Variants in IPPK observed in about 807,000 individuals in gnomAD.
The protein encoded by IPPK is IPK1 homolog.
IPPK carries 22 observed loss-of-function variants against 64.6 expected under a neutral mutation model. The observed-to-expected ratio is 0.34, with a 90% CI of 0.24 to 0.49. IPPK has a LOEUF of 0.49. Ranked by LOEUF, IPPK falls within the 20% of genes least tolerant of loss-of-function variation. The pLI is 0.99. For synonymous variants in IPPK, 262 were observed against 247.2 expected (o/e 1.06, Z -0.56); for missense variants, 532 against 630.7 (o/e 0.84, Z 1.68).
At chr9:92,655,445 C>A (rs1435878456) in intron 3 of IPPK, among the ~76,000 whole-genome samples, 1 of 152,076 alleles carries the variant, frequency 6.6e-6, no homozygotes, top group Non-Finnish European at 1.5e-5. Context: ...GTGGGTTGAG[C>A]CCTGTTTGCT....
At chr9:92,633,257 C>T (rs905866154) in intron 11 of IPPK, among the ~76,000 whole-genome samples, 3 of 152,000 alleles carry the variant, frequency 2.0e-5, no homozygotes, top group African/African-American at 7.3e-5. Context: ...ATAATCCACC[C>T]GCCTCAGCCT....
intron 11 of IPPK, among the ~76,000 whole-genome samples, chr9:92,624,508 G>T (rs1851700184): frequency 6.6e-6 from 1 of 151,830 alleles, no homozygotes; most frequent in Non-Finnish European, 1.5e-5. Context: ...ACATGCCTGT[G>T]CTTCCCAGCT....
In IPPK at chr9:92,648,297, G is replaced by A. The variant is rs115668299; in HGVS notation, c.415-149C>T. 1,756 of 640,544 alleles carry A rather than the reference G, an allele frequency of 2.7e-3. 14 individuals carry two copies. Among genetic ancestry groups the A allele is most frequent in the African/African-American group, 0.023 (1,253 of 54,982 alleles). 39.7% of individuals were successfully genotyped at this position (640,544 alleles called of 1,614,324 possible). A position where few individuals can be genotyped will look rare whatever the true frequency, so the allele number is the denominator to read the frequency against. ...GCTGTTTTCATTTGCACCTCCCAGCGGGAACAACACTTCCTGCATCAGATC... is the reference window on the plus strand; with the variant it reads ...GCTGTTTTCATTTGCACCTCCCAGCAGGAACAACACTTCCTGCATCAGATC... On this transcript the variant is annotated intron_variant, in intron 5 of 12. Transcript: ENST00000287996.
At chr9:92,669,300 T>C (rs1333545926) in intron 1 of IPPK, among the ~76,000 whole-genome samples, 1 of 152,228 alleles carries the variant, frequency 6.6e-6, no homozygotes, top group Non-Finnish European at 1.5e-5. Flanking sequence ...GAGATCTTAC[T>C]GCAGTTTCTA....
chr9:92,658,781 A>T, intron 1 of IPPK, 100 bp from the exon 2 acceptor site: 2 of 1,074,434 alleles, frequency 1.9e-6, no homozygotes, highest in Non-Finnish European at 2.8e-6. Flanking sequence ...CAAAGTCCAC[A>T]GTGAAGCTCC....
At chr9:92,664,473 C>T (rs1266019260) in intron 1 of IPPK, among the ~76,000 whole-genome samples, 1 of 152,208 alleles carries the variant, frequency 6.6e-6, no homozygotes, top group African/African-American at 2.4e-5. Context: ...GCCTCGGCAA[C>T]TCCGTCCTGA....
chr9:92,660,588 G>A (rs1439955750), intron 1 of IPPK, among the ~76,000 whole-genome samples: 6 of 152,192 alleles, frequency 3.9e-5, no homozygotes, highest in African/African-American at 1.4e-4. Context: ...CAAGACACAT[G>A]AGCTTTCTCT....
In IPPK at chr9:92,642,773, C is replaced by T; in HGVS notation, c.542G>A (p.Cys181Tyr). The T allele has an allele frequency of 6.2e-7, 1 of 1,614,056 alleles. No individual in the cohort carries two copies. The highest frequency in any genetic ancestry group is 8.5e-7 in the Non-Finnish European group (1 of 1,179,918). The change falls in exon 7 of 13, where the codon TGT (cysteine) becomes TAT (tyrosine). Residue 181 changes from cysteine (C) to tyrosine (Y), a missense_variant. Cys to Tyr is a radical substitution (Grantham distance 194). Transcript: ENST00000287996. ...TGKWKQISKY[C>Y]PLDLYSGNKQ... ...TTACCCTGAGTAGAGATCAAGGGGA[C>T]AGTATTTGCTGATCTGCTTCCACTT... is the stretch of plus-strand genomic sequence containing the variant.
chr9:92,616,049 T>C lies in IPPK; in HGVS notation c.1259A>G (p.Gln420Arg), dbSNP rs1224269326. The change falls in exon 13 of 13, where the codon CAA becomes CGA. Residue 420 changes from glutamine to arginine, a missense_variant. Physicochemically the swap from Gln to Arg is conservative, Grantham distance 43 (BLOSUM62 1). Coordinates refer to ENST00000287996, the MANE Select transcript of IPPK (RefSeq NM_022755.6). ...SPCLQDASSDQRPVVPSSRSR... is the reference protein window; with the variant it reads ...SPCLQDASSDRRPVVPSSRSR... ...CCTCGATGAAGGGACGACAGGCCTTTGATCAGAGCTGCAAGTAAAAAGTAC... is the reference window on the plus strand; with the variant it reads ...CCTCGATGAAGGGACGACAGGCCTTCGATCAGAGCTGCAAGTAAAAAGTAC... The C allele has an allele frequency of 6.2e-7, 1 of 1,613,138 alleles. No homozygotes were observed. Among genetic ancestry groups the C allele is most frequent in the Non-Finnish European group, 8.5e-7 (1 of 1,179,268 alleles).
At chr9:92,651,242 A>T (rs1852260929) in intron 4 of IPPK, among the ~76,000 whole-genome samples, 1 of 152,220 alleles carries the variant, frequency 6.6e-6, no homozygotes, top group African/African-American at 2.4e-5. Context: ...ATACTGGCTA[A>T]TTCCACACCC....
At position 92,613,305 on chromosome 9, in the gene IPPK, G is replaced by A. The variant is rs1851329144; in HGVS notation, c.*2527C>T. Reference sequence around the variant, plus strand: ...CATTATATGGAAACTCTCATGACATGAAAAATAAATACAACTAGTTAAGTA... The same window carrying A: ...CATTATATGGAAACTCTCATGACATAAAAAATAAATACAACTAGTTAAGTA... On this transcript the variant is annotated 3_prime_UTR_variant, in exon 13 of 13. Coordinates refer to ENST00000287996, the MANE Select transcript of IPPK (RefSeq NM_022755.6). 1.3e-6 allele frequency: 1 copy of A among 764,826 alleles called. No individual in the cohort carries two copies. Among genetic ancestry groups the A allele is most frequent in the Non-Finnish European group, 2.1e-6 (1 of 480,792 alleles). The allele number at this position is 764,826 out of a possible 1,614,324, so 47.4% of individuals were successfully genotyped here.
intron 2 of IPPK, among the ~76,000 whole-genome samples, chr9:92,656,756 C>T (rs1365936261): frequency 6.6e-6 from 1 of 152,198 alleles, no homozygotes; most frequent in South Asian, 2.1e-4. Flanking sequence ...GCCATGCCAC[C>T]CTCCTCGGCC....
chr9:92,632,919 C>T (rs1851871389), intron 11 of IPPK, among the ~76,000 whole-genome samples: 2 of 152,222 alleles, frequency 1.3e-5, no homozygotes, highest in Admixed American at 1.3e-4. Flanking sequence ...GGGAGGAGCG[C>T]CAGCTCGCTC....
chr9:92,656,368 A>T, intron 3 of IPPK, 88 bp downstream of exon 3: 2 of 855,912 alleles, frequency 2.3e-6, no homozygotes, highest in Non-Finnish European at 4.0e-6. Context: ...GGTTATCATT[A>T]AGCACAAAGT....
chr9:92,630,399 G>A (rs1048322453), intron 11 of IPPK, among the ~76,000 whole-genome samples: 8 of 152,162 alleles, frequency 5.3e-5, no homozygotes, highest in Non-Finnish European at 7.3e-5. Flanking sequence ...ACAATGGGAC[G>A]ATAGCTAAAG....
intron 7 of IPPK, 53 bp from the exon 8 acceptor site, chr9:92,640,835 C>A: frequency 8.2e-7 from 1 of 1,218,314 alleles, no homozygotes; most frequent in Non-Finnish European, 1.2e-6. Flanking sequence ...CTGACCTGTC[C>A]CTGCACACAC....
rs1356965936 is a variant in IPPK, at chr9:92,655,743, G to GA, written c.225+712dup. 2.0e-5 allele frequency among the ~76,000 whole-genome samples: 3 copies of GA among 152,278 alleles called. No homozygotes were observed. In the East Asian group the frequency reaches 5.8e-4, roughly 29 times the overall value. On this transcript the variant is annotated intron_variant, in intron 3 of 12. Transcript: ENST00000287996. Reference sequence around the variant, plus strand: ...AGCCATCTAAGGGATATGCCCTAGGGAAAAAACTGCATGAATCTTCCTAAC... The same window carrying GA: ...AGCCATCTAAGGGATATGCCCTAGGGAAAAAAACTGCATGAATCTTCCTAAC...
intron 5 of IPPK, 54 bp from the exon 6 acceptor site, chr9:92,648,202 C>G: frequency 8.0e-7 from 1 of 1,257,348 alleles, no homozygotes; most frequent in African/African-American, 1.5e-5. Context: ...TCACATACCT[C>G]TAAATAGACA....
At chr9:92,619,271 A>AAGTT (rs1212678009) in intron 12 of IPPK, 4 of 543,952 alleles carry the variant, frequency 7.4e-6, no homozygotes, top group African/African-American at 5.6e-5. Context: ...CAATCCTTTT[A>AAGTT]AGTTATTCTC....
Sources: allele counts gnomAD v4.1 joint callset (sites outside exome capture counted in the v4.1 genomes callset), GRCh38; gene constraint gnomAD v4.1.1; transcripts MANE v1.5; gene names NCBI Gene and HGNC (gene_info 2026-07-23, HGNC 2026-07-21).